The following PAPOLG variants were observed in gnomAD, a reference collection of about 807,000 sequenced individuals.
PAPOLG encodes the protein PAP-gamma.
In PAPOLG, 40 loss-of-function variants were observed where a neutral mutation model predicts 99.0. The observed-to-expected ratio is 0.40, with a 90% CI of 0.31 to 0.53. PAPOLG has a LOEUF of 0.53. PAPOLG is among the 20% of genes least tolerant of loss of function. PAPOLG has a pLI of 0.41. For missense variants in PAPOLG, 675 were observed against 884.1 expected (o/e 0.76, Z 3.00); for synonymous variants, 310 against 299.3 (o/e 1.04, Z -0.37).
At chr2:60,759,444 G>A (rs1670458583) in intron 1 of PAPOLG, among the ~76,000 whole-genome samples, 1 of 152,268 alleles carries the variant, frequency 6.6e-6, no homozygotes, top group Admixed American at 6.5e-5. Context: ...TGGCTAAGAT[G>A]TTTGGAGGGT....
chr2:60,783,349 C>CTTTGTCTCAAA, intron 13 of PAPOLG, 140 bp downstream of exon 13: 1 of 338,520 alleles, frequency 3.0e-6, no homozygotes, highest in African/African-American at 4.0e-5. Context: ...TTTTTTGAGA[C>CTTTGTCTCAAA]AAAGTCTCTG....
At chr2:60,771,389 G>A in intron 6 of PAPOLG, 130 bp from the exon 7 acceptor site, 2 of 1,069,668 alleles carry the variant, frequency 1.9e-6, no homozygotes, top group Non-Finnish European at 2.5e-6. Flanking sequence ...GCCTACATAG[G>A]CCTATCGAAG....
intron 1 of PAPOLG, among the ~76,000 whole-genome samples, chr2:60,758,137 C>T (rs932363476): frequency 3.3e-5 from 5 of 152,114 alleles, no homozygotes; most frequent in Non-Finnish European, 5.9e-5. Context: ...ATTACTCTGT[C>T]CTATTCACTT....
rs1034846525 is a variant in PAPOLG at position 60,800,835 on chromosome 2, T to C, written c.*3675T>C. ...ACCAGGATTGAATAATCCTGGAATATTATATAATTTTCTACTTTTGATTTT... is the reference window on the plus strand; with the variant it reads ...ACCAGGATTGAATAATCCTGGAATACTATATAATTTTCTACTTTTGATTTT... On this transcript the variant is annotated 3_prime_UTR_variant, in exon 22 of 22. Coordinates refer to ENST00000238714, the MANE Select transcript of PAPOLG (RefSeq NM_022894.4). 1.3e-5 allele frequency: 2 copies of C among 152,290 alleles called. No individual in the cohort carries two copies. The highest frequency in any genetic ancestry group is 2.4e-5 in the African/African-American group (1 of 41,430). 9.4% of individuals were successfully genotyped at this position (152,290 alleles called of 1,614,324 possible). A position where few individuals can be genotyped will look rare whatever the true frequency, so the allele number is the denominator to read the frequency against.
rs970513319 is a variant in PAPOLG, at chr2:60,798,786, A to G, written c.*1626A>G. On this transcript the variant is annotated 3_prime_UTR_variant, in exon 22 of 22. Transcript: ENST00000238714. The stretch of plus-strand genomic sequence containing the variant: ...CAGAGAGCCGTATCCTCCAGGTCCC[A>G]CTCCTGTTCATTGCCCCTTAGGTCT... 1 of 152,074 alleles carries G rather than the reference A, an allele frequency of 6.6e-6. No homozygotes were observed. The highest frequency in any genetic ancestry group is 2.4e-5 in the African/African-American group (1 of 41,356). The allele number at this position is 152,074 out of a possible 1,614,324, so 9.4% of individuals were successfully genotyped here.
chr2:60,765,497 G>A (rs1465297792), intron 3 of PAPOLG, among the ~76,000 whole-genome samples: 2 of 150,206 alleles, frequency 1.3e-5, no homozygotes, highest in Non-Finnish European at 1.5e-5. Context: ...TCAGCCTCCC[G>A]AAGTGTTAGG....
At chr2:60,781,214 G>A (rs955240758) in intron 10 of PAPOLG, among the ~76,000 whole-genome samples, 10 of 152,050 alleles carry the variant, frequency 6.6e-5, no homozygotes, top group South Asian at 4.2e-4. Flanking sequence ...AAAATTAGCC[G>A]GGCGTGGTGG....
rs1166618324 is a variant in PAPOLG at position 60,799,789 on chromosome 2, T to C, written c.*2629T>C. The C allele has an allele frequency of 6.6e-6, 1 of 152,070 alleles. No homozygotes were observed. Among genetic ancestry groups the C allele is most frequent in the African/African-American group, 2.4e-5 (1 of 41,394 alleles). The allele number at this position is 152,070 out of a possible 1,614,324, so 9.4% of individuals were successfully genotyped here. The stretch of plus-strand genomic sequence containing the variant: ...ACAGGCACCCACCACCTCGCCCAGC[T>C]AATTTTTGTATTTTTAGTACAGACA... On this transcript the variant is annotated 3_prime_UTR_variant, in exon 22 of 22. Coordinates refer to ENST00000238714, the MANE Select transcript of PAPOLG (RefSeq NM_022894.4).
chr2:60,781,851 G>A, intron 10 of PAPOLG, 34 bp from the exon 11 acceptor site: 1 of 1,612,868 alleles, frequency 6.2e-7, no homozygotes, highest in Non-Finnish European at 8.5e-7. Context: ...TGAAATAGGA[G>A]AATAGATCAG....
chr2:60,761,373 G>A (rs1202739011), intron 2 of PAPOLG, among the ~76,000 whole-genome samples: 1 of 152,180 alleles, frequency 6.6e-6, no homozygotes, highest in Non-Finnish European at 1.5e-5. Flanking sequence ...CTAGCAATGA[G>A]AGAATTCTAG....
chr2:60,779,926 G>A, intron 9 of PAPOLG, 151 bp downstream of exon 9: 1 of 652,796 alleles, frequency 1.5e-6, no homozygotes, highest in Non-Finnish European at 2.5e-6. Flanking sequence ...TGAGGCAATG[G>A]TGGGACATCT....
intron 13 of PAPOLG, 48 bp downstream of exon 13, chr2:60,783,257 C>G: frequency 4.4e-6 from 5 of 1,142,980 alleles, no homozygotes; most frequent in Middle Eastern, 2.6e-4. Flanking sequence ...GTGATAGTAA[C>G]TTATTTATAT....
intron 10 of PAPOLG, 27 bp from the exon 11 acceptor site, chr2:60,781,858 T>C: frequency 6.2e-7 from 1 of 1,613,382 alleles, no homozygotes; most frequent in Non-Finnish European, 8.5e-7. Context: ...GGAGAATAGA[T>C]CAGTTATTCT....
chr2:60,783,996 C>T (rs953279393), intron 13 of PAPOLG, among the ~76,000 whole-genome samples: 4 of 151,952 alleles, frequency 2.6e-5, no homozygotes, highest in East Asian at 1.9e-4. Flanking sequence ...TATTTTGAGA[C>T]GGAGTCTCGC....
In PAPOLG at chr2:60,783,146, A is replaced by G; in HGVS notation, c.1113-10A>G. 1 of 1,558,198 alleles carries G rather than the reference A, an allele frequency of 6.4e-7. No homozygotes were observed. Among genetic ancestry groups the G allele is most frequent in the Non-Finnish European group, 8.6e-7 (1 of 1,158,032 alleles). The stretch of plus-strand genomic sequence containing the variant: ...GCTTTTTTTCCTGATTGTTGCTGAA[A>G]ATTCTTCAGACATTATATAGTATTG... On this transcript the variant is annotated splice_polypyrimidine_tract_variant and intron_variant, in intron 12 of 21. Transcript: ENST00000238714.
chr2:60,772,486 T>A (rs1670884306), intron 7 of PAPOLG, among the ~76,000 whole-genome samples: 1 of 150,080 alleles, frequency 6.7e-6, no homozygotes, highest in African/African-American at 2.4e-5. Context: ...CAGTGGCTTA[T>A]GCCTCTAATC....
In PAPOLG at chr2:60,757,926, G is replaced by A. The variant is rs186765832; in HGVS notation, c.17+1431G>A. Among the ~76,000 whole-genome samples, 118 of 152,304 alleles carry A rather than the reference G, an allele frequency of 7.7e-4. 2 individuals are homozygous for A. In the East Asian group the frequency reaches 0.019, roughly 25 times the overall value. On this transcript the variant is annotated intron_variant, in intron 1 of 21. Transcript: ENST00000238714. ...AGTTGGCCAACTTTGTCAGCATACA[G>A]GTAAAAAAGTGAGGCCCGTCATCAT...
At chr2:60,779,852 A>G (rs1671137067) in intron 9 of PAPOLG, 77 bp downstream of exon 9, 10 of 1,235,502 alleles carry the variant, frequency 8.1e-6, no homozygotes, top group Non-Finnish European at 1.1e-5. Flanking sequence ...TTTAAGAGCT[A>G]TACATAGACT....
At chr2:60,756,952 T>A (rs920445329) in intron 1 of PAPOLG, among the ~76,000 whole-genome samples, 2 of 151,974 alleles carry the variant, frequency 1.3e-5, no homozygotes, top group Non-Finnish European at 2.9e-5. Context: ...CTCTTTCATA[T>A]GAGGCTACAG....
Sources: gnomAD v4.1 joint callset for allele counts (sites outside exome capture counted in the v4.1 genomes callset) on GRCh38, gnomAD v4.1.1 for gene constraint, MANE v1.5 for transcripts, NCBI Gene and HGNC (gene_info 2026-07-23, HGNC 2026-07-21) for gene names.